The following BPI variants were observed in gnomAD, a reference collection of about 807,000 sequenced individuals.
BPI encodes bactericidal permeability increasing protein.
BPI carries 48 observed loss-of-function variants against 57.6 expected under a neutral mutation model. The ratio of observed to expected loss-of-function variants is 0.83; its 90% CI spans 0.66 to 1.06. The LOEUF is 1.06. BPI is among the 50% of genes least tolerant of loss of function. BPI has a pLI of 0.00. For synonymous variants in BPI, 237 were observed against 238.2 expected, an observed-to-expected ratio of 0.99 and a Z score of 0.05; for missense variants, 651 against 609.7, an observed-to-expected ratio of 1.07 and a Z score of -0.71.
intron 12 of BPI, among the ~76,000 whole-genome samples, chr20:38,331,866 A>G (rs946881205): frequency 2.7e-5 from 4 of 149,370 alleles, no homozygotes; most frequent in Admixed American, 2.0e-4. Context: ...AAAAAGAGAG[A>G]GAAGATCGTT....
chr20:38,304,319 C>G lies in BPI; in HGVS notation c.96C>G (p.Val32=), dbSNP rs149160163. 2.5e-6 allele frequency: 4 copies of G among 1,614,048 alleles called. No individual in the cohort carries two copies. Among genetic ancestry groups the G allele is most frequent in the Non-Finnish European group, 3.4e-6 (4 of 1,180,024 alleles). The change falls in exon 1 of 15, where the codon GTC becomes GTG. Residue 32 remains valine, a synonymous_variant. Coordinates refer to ENST00000642449, the MANE Select transcript of BPI (RefSeq NM_001725.3). ...TAVTAAVNPG[V]VVRISQKGLD... is the part of the protein sequence containing the mutation. ...TGACAGCGGCCGTCAACCCTGGCGT[C>G]GTGGTCAGGATCTCCCAGAAGGGCC...
chr20:38,335,124 A>G (rs111328989), intron 13 of BPI, among the ~76,000 whole-genome samples: 1 of 152,182 alleles, frequency 6.6e-6, no homozygotes, highest in African/African-American at 2.4e-5. Context: ...TAGCTTTGTA[A>G]TGACCTGGGA....
rs1177887818 is a variant in BPI, at chr20:38,324,820, C to A, written c.980C>A (p.Thr327Asn). 1.2e-6 allele frequency: 2 copies of A among 1,612,710 alleles called. No homozygotes were observed. The highest frequency in any genetic ancestry group is 1.7e-6 in the Non-Finnish European group (2 of 1,178,720). The change falls in exon 9 of 15, where the codon ACC (threonine) becomes AAC (asparagine). Residue 327 changes from threonine to asparagine, a missense_variant. Thr to Asn is a moderately conservative substitution (Grantham distance 65). Transcript: ENST00000642449. ...CGACTGACAACCAAGTTCTTTGGAACCTTCCTACCTGAGGTATGGAAGACC... is the reference window on the plus strand; with the variant it reads ...CGACTGACAACCAAGTTCTTTGGAAACTTCCTACCTGAGGTATGGAAGACC... ...KFRLTTKFFGTFLPEVAKKFP... is the reference protein window; with the variant it reads ...KFRLTTKFFGNFLPEVAKKFP...
chr20:38,335,538 C>A, intron 13 of BPI, 60 bp from the exon 14 acceptor site: 1 of 1,507,606 alleles, frequency 6.6e-7, no homozygotes, highest in Non-Finnish European at 9.2e-7. Flanking sequence ...TCTGGCCCTC[C>A]CTCCTCCCCT....
At chr20:38,305,656 C>T (rs1202267305) in intron 1 of BPI, among the ~76,000 whole-genome samples, 1 of 152,130 alleles carries the variant, frequency 6.6e-6, no homozygotes, top group Non-Finnish European at 1.5e-5. Flanking sequence ...GCTCTGGGAC[C>T]AGAAGGCCTG....
chr20:38,337,239 G>A lies in BPI; in HGVS notation c.*55G>A, dbSNP rs1024462599. The A allele has an allele frequency of 3.4e-6, 5 of 1,474,276 alleles. No individual in the cohort carries two copies. Among genetic ancestry groups the A allele is most frequent in the Non-Finnish European group, 3.7e-6 (4 of 1,091,416 alleles). The allele number at this position is 1,474,276 out of a possible 1,614,324, so 91.3% of individuals were successfully genotyped here. A position where few individuals can be genotyped will look rare whatever the true frequency, so the allele number is the denominator to read the frequency against. Reference sequence around the variant, plus strand: ...CACACCTGTTCCTGATGGGCTGTGGGGCACCGGCTGCCTTTCCCCAGGGAA... The same window carrying A: ...CACACCTGTTCCTGATGGGCTGTGGAGCACCGGCTGCCTTTCCCCAGGGAA... On this transcript the variant is annotated 3_prime_UTR_variant, in exon 15 of 15. Coordinates refer to ENST00000642449, the MANE Select transcript of BPI (RefSeq NM_001725.3).
rs962712948 is a variant in BPI at position 38,320,788 on chromosome 20, G to T, written c.756+514G>T. Among the ~76,000 whole-genome samples the T allele has an allele frequency of 6.0e-5, 9 of 149,682 alleles. No individual in the cohort carries two copies. In the Admixed American group the frequency reaches 6.1e-4, roughly 10 times the overall value. ...CCACATGTGCAGCACCTAGACCAATGCTTGGCACATACTAGGTGCTCAATA... is the reference window on the plus strand; with the variant it reads ...CCACATGTGCAGCACCTAGACCAATTCTTGGCACATACTAGGTGCTCAATA... On this transcript the variant is annotated intron_variant, in intron 7 of 14. Coordinates refer to ENST00000642449, the MANE Select transcript of BPI (RefSeq NM_001725.3).
intron 5 of BPI, among the ~76,000 whole-genome samples, chr20:38,316,347 C>A (rs116381416): frequency 0.057 from 8,684 of 152,178 alleles, 273 homozygotes; most frequent in South Asian, 0.11. Flanking sequence ...GGATTAAGAA[C>A]CTGAAGAGTT....
rs924296031 is a variant in BPI, at chr20:38,326,373, G to A, written c.1102G>A (p.Val368Ile). 6.2e-7 allele frequency: 1 copy of A among 1,614,170 alleles called. No individual in the cohort carries two copies. Among genetic ancestry groups the A allele is most frequent in the Admixed American group, 1.7e-5 (1 of 60,020 alleles). The change falls in exon 10 of 15, where the codon GTC becomes ATC. Residue 368 changes from valine to isoleucine, a missense_variant. Physicochemically the swap from Val to Ile is conservative, Grantham distance 29. Transcript: ENST00000642449. ...CCTTACCTTCTACCCTGCCGTGGATGTCCAGGCCTTTGCCGTCCTCCCCAA... is the reference window on the plus strand; with the variant it reads ...CCTTACCTTCTACCCTGCCGTGGATATCCAGGCCTTTGCCGTCCTCCCCAA... Reference protein sequence around the residue: ...TGLTFYPAVDVQAFAVLPNSS... With the variant: ...TGLTFYPAVDIQAFAVLPNSS...
Position 38,337,362 on chromosome 20 carries a change from C to T in BPI, c.*178C>T. The T allele has an allele frequency of 5.6e-6, 3 of 540,298 alleles. No individual in the cohort carries two copies. The South Asian group carries it at 8.0e-5, about 14-fold the overall frequency. 33.5% of individuals were successfully genotyped at this position (540,298 alleles called of 1,614,324 possible). ...GGAAACATTATTCATTGGAAAAGTG[C>T]ATGGTGTGTATTTTAGGGATTATGA... is the stretch of plus-strand genomic sequence containing the variant. On this transcript the variant is annotated 3_prime_UTR_variant, in exon 15 of 15. Coordinates refer to ENST00000642449, the MANE Select transcript of BPI (RefSeq NM_001725.3).
chr20:38,314,068 T>TAGA (rs2076635849), intron 5 of BPI, among the ~76,000 whole-genome samples: 1 of 56,888 alleles, frequency 1.8e-5, no homozygotes, highest in Non-Finnish European at 4.2e-5. Context: ...TATGGTGAGG[T>TAGA]TGATGATGAT....
At chr20:38,329,691 G>C (rs1336605833) in intron 11 of BPI, among the ~76,000 whole-genome samples, 1 of 151,708 alleles carries the variant, frequency 6.6e-6, no homozygotes, top group Non-Finnish European at 1.5e-5. Flanking sequence ...CCTTCAAGGA[G>C]CCCTGTTCGA....
intron 11 of BPI, 146 bp from the exon 12 acceptor site, chr20:38,330,902 G>A (rs1181992098): frequency 1.2e-6 from 1 of 867,964 alleles, no homozygotes; most frequent in African/African-American, 1.7e-5. Context: ...GGCAACATCG[G>A]GGGGCTGTGA....
chr20:38,307,574 G>T lies in BPI; in HGVS notation c.138G>T (p.Gln46His). 1 of 1,601,286 alleles carries T rather than the reference G, an allele frequency of 6.2e-7. No individual in the cohort carries two copies. Among genetic ancestry groups the T allele is most frequent in the Non-Finnish European group, 8.5e-7 (1 of 1,174,940 alleles). Residue 46 changes from glutamine (Q) to histidine (H), a missense_variant, in exon 2 of 15, where the codon CAG becomes CAT. Physicochemically the swap from Gln to His is conservative, Grantham distance 24. Transcript: ENST00000642449. ...CCTGCCTTCTCCCTTCAGCCAGCCA[G>T]CAGGGGACGGCCGCTCTGCAGAAGG... ...ISQKGLDYAS[Q>H]QGTAALQKEL...
intron 5 of BPI, among the ~76,000 whole-genome samples, chr20:38,314,721 A>T (rs2076643212): frequency 7.3e-6 from 1 of 137,534 alleles, no homozygotes; most frequent in South Asian, 2.6e-4. Context: ...GGTGGGGATG[A>T]TGATAATGAT....
At chr20:38,323,820 T>C (rs746676978) in intron 7 of BPI, 50 bp from the exon 8 acceptor site, 12 of 1,577,890 alleles carry the variant, frequency 7.6e-6, no homozygotes, top group Non-Finnish European at 7.8e-6. Flanking sequence ...AGATGTTGAC[T>C]TATAATTCCT....
At chr20:38,311,958 C>T (rs1162114079) in intron 5 of BPI, 21 bp downstream of exon 5, 4 of 1,611,584 alleles carry the variant, frequency 2.5e-6, no homozygotes, top group African/African-American at 2.7e-5. Flanking sequence ...CTCAGAGCCC[C>T]ATCAGCAAAC....
At chr20:38,314,208 A>AT (rs2076637972) in intron 5 of BPI, among the ~76,000 whole-genome samples, 1 of 99,434 alleles carries the variant, frequency 1.0e-5, no homozygotes. Flanking sequence ...GATGGTGGGG[A>AT]TGATGATGGT....
chr20:38,328,248 C>T (rs546452247), intron 11 of BPI, among the ~76,000 whole-genome samples: 6 of 152,222 alleles, frequency 3.9e-5, no homozygotes, highest in African/African-American at 9.6e-5. Flanking sequence ...TTCAGTTCTC[C>T]GACTGTCAAA....
Sources: allele counts gnomAD v4.1 joint callset (sites outside exome capture counted in the v4.1 genomes callset), GRCh38; gene constraint gnomAD v4.1.1; transcripts MANE v1.5; gene names NCBI Gene and HGNC (gene_info 2026-07-23, HGNC 2026-07-21).